The following ARID1A variants were observed in gnomAD, a reference collection of about 807,000 sequenced individuals.
ARID1A encodes AT-rich interaction domain 1A, also known as AT-rich interactive domain-containing protein 1A.
ARID1A carries 20 observed loss-of-function variants against 212.6 expected under a neutral mutation model. The ratio of observed to expected loss-of-function variants is 0.09; its 90% confidence interval spans 0.07 to 0.14. The LOEUF is 0.14. Ranked by LOEUF, ARID1A falls within the 10% of genes least tolerant of loss-of-function variation. The probability of loss-of-function intolerance (pLI) is 1.00; values close to 1 mark genes in which losing one functional copy is unlikely to be tolerated. For synonymous variants in ARID1A, 1,376 were observed against 1,222.1 expected (o/e 1.13, Z -2.63); for missense variants, 2,587 against 3,059.0 (o/e 0.85, Z 3.64).
intron 4 of ARID1A, among the ~76,000 whole-genome samples, chr1:26,741,256 G>T (rs572020575): frequency 3.9e-5 from 6 of 152,304 alleles, no homozygotes; most frequent in African/African-American, 1.4e-4. Context: ...GGAAGCCAAG[G>T]GAGGAGGGAC....
At chr1:26,773,094 GA>G in intron 14 of ARID1A, 107 bp downstream of exon 14, 11 of 1,443,586 alleles carry the variant, frequency 7.6e-6, no homozygotes, top group Non-Finnish European at 1.0e-5. Context: ...CATCCTCTGA[GA>G]TAATGCATTT....
intron 13 of ARID1A, 29 bp downstream of exon 13, chr1:26,772,661 G>T (rs2124105249): frequency 6.2e-7 from 1 of 1,614,160 alleles, no homozygotes; most frequent in Non-Finnish European, 8.5e-7. Context: ...GCAGATGGTT[G>T]GGAGGATGGC....
At chr1:26,741,200 G>A (rs1333058474) in intron 4 of ARID1A, among the ~76,000 whole-genome samples, 1 of 152,336 alleles carries the variant, frequency 6.6e-6, no homozygotes, top group Non-Finnish European at 1.5e-5. Flanking sequence ...GCAGCCAACA[G>A]AGAGTTGGAG....
At chr1:26,746,614 C>T (rs2080837268) in intron 4 of ARID1A, among the ~76,000 whole-genome samples, 1 of 152,174 alleles carries the variant, frequency 6.6e-6, no homozygotes, top group Non-Finnish European at 1.5e-5. Flanking sequence ...ACATATCTGG[C>T]CAGGCGCAGT....
At chr1:26,733,247 T>C (rs908856175) in intron 4 of ARID1A, among the ~76,000 whole-genome samples, 2 of 152,334 alleles carry the variant, frequency 1.3e-5, no homozygotes, top group Middle Eastern at 3.4e-3. Context: ...GTGGTGATTT[T>C]GTGTGAATAC....
chr1:26,738,550 A>G (rs1248154772), intron 4 of ARID1A, among the ~76,000 whole-genome samples: 1 of 151,946 alleles, frequency 6.6e-6, no homozygotes, highest in Non-Finnish European at 1.5e-5. Context: ...CAGGAAGTAT[A>G]CATCTGACAG....
At chr1:26,759,758 C>T (rs34885854) in intron 4 of ARID1A, among the ~76,000 whole-genome samples, 8,690 of 152,174 alleles carry the variant, frequency 0.057, 321 homozygotes, top group Non-Finnish European at 0.08. Context: ...AGCCTACAAA[C>T]AAATACCAAG....
chr1:26,756,953 C>G (rs919970952), intron 4 of ARID1A, among the ~76,000 whole-genome samples: 5 of 152,166 alleles, frequency 3.3e-5, no homozygotes, highest in African/African-American at 1.2e-4. Flanking sequence ...CCGCCCGCCT[C>G]AGCCTCCCAA....
In ARID1A at chr1:26,756,083, G is replaced by GT. The variant is rs572642624; in HGVS notation, c.1921-4764dup. ...GTTTTGTTTCTTGTTGTTTGTTTTT[G>GT]TTTTTTTTTCTTAGCGCTTCAGTAC... On this transcript the variant is annotated intron_variant, in intron 4 of 19. Transcript: ENST00000324856. 5.5e-3 allele frequency among the ~76,000 whole-genome samples: 826 copies of GT among 149,868 alleles called. 5 individuals carry two copies. The highest frequency in any genetic ancestry group is 0.018 in the African/African-American group (754 of 40,856).
rs771692088 is a variant in ARID1A, at chr1:26,696,951, C to T, written c.548C>T (p.Ala183Val). The T allele has an allele frequency of 2.1e-6, 3 of 1,461,296 alleles. No homozygotes were observed. The highest frequency in any genetic ancestry group is 3.0e-5 in the Admixed American group (1 of 33,752). 90.5% of individuals were successfully genotyped at this position (1,461,296 alleles called of 1,614,324 possible). ...HGGQQSPGLA[A>V]LQSGGGGGLE... ...GGACAACAAAGCCCTGGCCTGGCAGCGCTGCAGAGCGGCGGCGGCGGGGGC... is the reference window on the plus strand; with the variant it reads ...GGACAACAAAGCCCTGGCCTGGCAGTGCTGCAGAGCGGCGGCGGCGGGGGC... The change falls in exon 1 of 20, where the codon GCG becomes GTG. Residue 183 changes from alanine (A) to valine (V), a missense_variant. Coordinates refer to ENST00000324856, the MANE Select transcript of ARID1A (RefSeq NM_006015.6).
intron 4 of ARID1A, among the ~76,000 whole-genome samples, chr1:26,746,172 A>G (rs2124807353): frequency 6.6e-6 from 1 of 152,358 alleles, no homozygotes; most frequent in Middle Eastern, 3.4e-3. Context: ...ATTTCTAGGC[A>G]AAGTTAATGA....
intron 1 of ARID1A, among the ~76,000 whole-genome samples, chr1:26,713,360 G>T (rs1044990354): frequency 7.4e-5 from 11 of 149,446 alleles, no homozygotes; most frequent in African/African-American, 1.7e-4. Flanking sequence ...GGTGAAGATT[G>T]ATTTTTTTTT....
At position 26,780,843 on chromosome 1, in the gene ARID1A, C is replaced by A; in HGVS notation, c.*87C>A. 14 of 1,477,818 alleles carry A rather than the reference C, an allele frequency of 9.5e-6. No homozygotes were observed. Among genetic ancestry groups the A allele is most frequent in the Non-Finnish European group, 1.3e-5 (14 of 1,108,018 alleles). The allele number at this position is 1,477,818 out of a possible 1,614,324, so 91.5% of individuals were successfully genotyped here. On this transcript the variant is annotated 3_prime_UTR_variant, in exon 20 of 20. Coordinates refer to ENST00000324856, the MANE Select transcript of ARID1A (RefSeq NM_006015.6). The surrounding 1 kb of genome is among the most constrained non-coding windows in gnomAD (Gnocchi z 7.2). ...CTGTTGCCCTTTATTTATGCAAAAC[C>A]ACCTCAGAATCCAGTTTACCCTGTG...
At chr1:26,760,701 T>G (rs562299982) in intron 4 of ARID1A, among the ~76,000 whole-genome samples, 155 bp from the exon 5 acceptor site, 1 of 152,200 alleles carries the variant, frequency 6.6e-6, no homozygotes, top group East Asian at 1.9e-4. Context: ...AAAAAAATTT[T>G]TTTTTTTAAT....
At chr1:26,743,069 C>T (rs907138381) in intron 4 of ARID1A, among the ~76,000 whole-genome samples, 6 of 152,122 alleles carry the variant, frequency 3.9e-5, no homozygotes, top group Non-Finnish European at 7.4e-5. Flanking sequence ...TGTGGGAGAC[C>T]ACCACCAGTT....
chr1:26,696,922 T>C lies in ARID1A; in HGVS notation c.519T>C (p.His173=), dbSNP rs781178890. ...CGGCCGCCGTCTTCCACCAACAACA[T>C]GGCGGACAACAAAGCCCTGGCCTGG... is the stretch of plus-strand genomic sequence containing the variant. ...AAAAAVFHQQ[H]GGQQSPGLAA... is the part of the protein sequence containing the mutation. The change falls in exon 1 of 20, where the codon CAT becomes CAC. Residue 173 remains histidine, a synonymous_variant. Transcript: ENST00000324856. 7.0e-7 allele frequency: 1 copy of C among 1,420,980 alleles called. No individual in the cohort carries two copies. Among genetic ancestry groups the C allele is most frequent in the Non-Finnish European group, 9.2e-7 (1 of 1,091,826 alleles). The allele number at this position is 1,420,980 out of a possible 1,614,324, so 88.0% of individuals were successfully genotyped here.
rs2124743435 is a variant in ARID1A, at chr1:26,697,169, A to G, written c.766A>G (p.Ser256Gly). 7.0e-7 allele frequency: 1 copy of G among 1,432,284 alleles called. No homozygotes were observed. 88.7% of individuals were successfully genotyped at this position (1,432,284 alleles called of 1,614,324 possible). ...AAGSKPPPSS[S>G]ASASSSSSSF... Reference sequence around the variant, plus strand: ...CGGCTCCAAGCCGCCTCCCTCCTCCAGCGCCTCCGCCTCCTCGTCGTCTTC... The same window carrying G: ...CGGCTCCAAGCCGCCTCCCTCCTCCGGCGCCTCCGCCTCCTCGTCGTCTTC... The change falls in exon 1 of 20, where the codon AGC (serine) becomes GGC (glycine). Residue 256 changes from serine (S) to glycine (G), a missense_variant. Around this residue, in one of 11 missense-constraint regions of ARID1A, gnomAD observed 735 missense variants for 590.6 expected, o/e 1.24. Transcript: ENST00000324856.
At chr1:26,711,199 C>T (rs1022335494) in intron 1 of ARID1A, among the ~76,000 whole-genome samples, 3 of 151,984 alleles carry the variant, frequency 2.0e-5, no homozygotes, top group Non-Finnish European at 2.9e-5. Context: ...ACCTCCGCCT[C>T]CTGGGTTCAA....
At chr1:26,707,259 A>T (rs1333430176) in intron 1 of ARID1A, among the ~76,000 whole-genome samples, 1 of 121,366 alleles carries the variant, frequency 8.2e-6, no homozygotes, top group Non-Finnish European at 1.6e-5. Flanking sequence ...CCCAGGCTGG[A>T]GTCCAGTGGT....
Sources: gnomAD v4.1 joint callset for allele counts (sites outside exome capture counted in the v4.1 genomes callset) on GRCh38, gnomAD v4.1.1 for gene constraint, gnomAD v4.1.1 regional missense constraint, Gnocchi (gnomAD v3.1) non-coding constraint, MANE v1.5 for transcripts, NCBI Gene and HGNC (gene_info 2026-07-23, HGNC 2026-07-21) for gene names.